Variants in DPH3 observed in about 807,000 individuals in gnomAD.
The protein encoded by DPH3 is diphthamide biosynthesis protein 3.
In DPH3, 8 loss-of-function variants were observed where a neutral mutation model predicts 10.2. The ratio of observed to expected loss-of-function variants is 0.79; its 90% confidence interval spans 0.46 to 1.42. The LOEUF (loss-of-function observed/expected upper bound fraction) is 1.42, where lower values mean the gene tolerates loss of function less well. DPH3 is among the 40% of genes most tolerant of loss of function. The pLI is 0.00. For synonymous variants in DPH3, 35 were observed against 35.6 expected, an observed-to-expected ratio of 0.98 and a Z score of 0.06; for missense variants, 96 against 98.9, an observed-to-expected ratio of 0.97 and a Z score of 0.12.
chr3:16,264,610 C>A, intron 1 of DPH3, 159 bp downstream of exon 1: 1 of 708,722 alleles, frequency 1.4e-6, no homozygotes. Flanking sequence ...GAGCTCAGGG[C>A]ATTAGTTGGG....
Position 16,259,697 on chromosome 3 carries a change from T to C in DPH3, c.*1067A>G, listed in dbSNP as rs2064279399. On this transcript the variant is annotated 3_prime_UTR_variant, in exon 3 of 3. Coordinates refer to ENST00000488423, the MANE Select transcript of DPH3 (RefSeq NM_206831.3). ...GGAGTGAATGTCTGGTTTGGCTGCA[T>C]GTTATAGAGGCTTATTAAATATGCT... The C allele has an allele frequency of 6.6e-6, 1 of 152,198 alleles. No homozygotes were observed. The highest frequency in any genetic ancestry group is 1.5e-5 in the Non-Finnish European group (1 of 68,024). 9.4% of individuals were successfully genotyped at this position (152,198 alleles called of 1,614,324 possible).
Position 16,263,455 on chromosome 3 carries a change from T to C in DPH3, c.183+700A>G, listed in dbSNP as rs570514376. On this transcript the variant is annotated intron_variant, in intron 2 of 2. Transcript: ENST00000488423. The surrounding 1 kb of genome is among the most constrained non-coding windows in gnomAD (Gnocchi z 4.0). ...TTGCTTTCTGTTGCAGAGCACATTT[T>C]AATACAAGAATGAATCATTATATTT... Among the ~76,000 whole-genome samples the C allele has an allele frequency of 2.0e-5, 3 of 152,354 alleles. No individual in the cohort carries two copies. The highest frequency in any genetic ancestry group is 1.9e-4 in the East Asian group (1 of 5,188).
chr3:16,264,435 G>A, intron 1 of DPH3: 1 of 548,168 alleles, frequency 1.8e-6, no homozygotes, highest in Non-Finnish European at 3.2e-6. Context: ...AAGGTCAGGC[G>A]AGCTTCGGTC....
chr3:16,264,256 T>C, intron 1 of DPH3, 27 bp from the exon 2 acceptor site: 2 of 1,575,840 alleles, frequency 1.3e-6, no homozygotes, highest in Non-Finnish European at 1.7e-6. Context: ...TACCATGTGG[T>C]CAGGATAGCT....
intron 1 of DPH3, 74 bp downstream of exon 1, chr3:16,264,695 C>G (rs2064368908): frequency 7.0e-7 from 1 of 1,430,370 alleles, no homozygotes; most frequent in African/African-American, 1.4e-5. Context: ...CAAAGGCTAC[C>G]CAATGATGGA....
rs2064315303 is a variant in DPH3 at position 16,263,263 on chromosome 3, T to A, written c.183+892A>T. The stretch of plus-strand genomic sequence containing the variant: ...GTCTTAGGTCCCCTTCACTGAACGA[T>A]CCTTTGCTCGACTCTCTTACCTCAT... On this transcript the variant is annotated intron_variant, in intron 2 of 2. Transcript: ENST00000488423. The surrounding 1 kb of genome is among the most constrained non-coding windows in gnomAD (Gnocchi z 4.0). Among the ~76,000 whole-genome samples the A allele has an allele frequency of 6.6e-6, 1 of 152,130 alleles. No individual in the cohort carries two copies. The highest frequency in any genetic ancestry group is 1.5e-5 in the Non-Finnish European group (1 of 68,004).
rs1193304374 is a variant in DPH3 at position 16,257,179 on chromosome 3, ATAGT to A, written c.*3581_*3584del. Among the ~76,000 whole-genome samples, 14 of 152,234 alleles carry A rather than the reference ATAGT, an allele frequency of 9.2e-5. No individual in the cohort carries two copies. Among genetic ancestry groups the A allele is most frequent in the African/African-American group, 3.1e-4 (13 of 41,464 alleles). On this transcript the variant is annotated 3_prime_UTR_variant, in exon 3 of 3. Coordinates refer to ENST00000488423, the MANE Select transcript of DPH3 (RefSeq NM_206831.3). The stretch of plus-strand genomic sequence containing the variant: ...ATGTTTAATTCCTTTCGGAGTTAGA[ATAGT>A]TAACCATTTTTTGCACATGACAGGC...
rs14080 is a variant in DPH3, at chr3:16,264,167, C to G, written c.171G>C (p.Val57=). The change falls in exon 2 of 3, where the codon GTG becomes GTC. Residue 57 remains valine (V), a synonymous_variant. Transcript: ENST00000488423. The stretch of plus-strand genomic sequence containing the variant: ...TTATATCCCTTACTTTGTCATAAAT[C>G]ACTTTTATAATGAGAGAGCAGCTAG... ...TCPSCSLIIK[V]IYDKDQFVCG... is the part of the protein sequence containing the mutation. 685,804 of 1,602,180 alleles carry G rather than the reference C, an allele frequency of 0.43. 148,631 individuals carry two copies. Among genetic ancestry groups the G allele is most frequent in the South Asian group, 0.52 (46,924 of 89,830 alleles).
chr3:16,262,021 G>A lies in DPH3; in HGVS notation c.184-1192C>T, dbSNP rs1237287284. 6.6e-6 allele frequency among the ~76,000 whole-genome samples: 1 copy of A among 151,906 alleles called. No homozygotes were observed. Among genetic ancestry groups the A allele is most frequent in the Non-Finnish European group, 1.5e-5 (1 of 67,992 alleles). On this transcript the variant is annotated intron_variant, in intron 2 of 2. Transcript: ENST00000488423. The surrounding 1 kb of genome is among the most constrained non-coding windows in gnomAD (Gnocchi z 4.7). ...CTCTTTACCTAGTTCAAACTCCATG[G>A]TCAGTTATAACCACTCTTCTCTCAC... is the stretch of plus-strand genomic sequence containing the variant.
rs908604653 is a variant in DPH3 at position 16,263,225 on chromosome 3, C to T, written c.183+930G>A. On this transcript the variant is annotated intron_variant, in intron 2 of 2. Transcript: ENST00000488423. The surrounding 1 kb of genome is among the most constrained non-coding windows in gnomAD (Gnocchi z 4.0). ...CCTCCTTTTTGTTCCTTGATAAAAT[C>T]AGGCATGTTCCTGTCTTAGGTCCCC... Among the ~76,000 whole-genome samples, 4 of 152,266 alleles carry T rather than the reference C, an allele frequency of 2.6e-5. No individual in the cohort carries two copies. The South Asian group carries it at 8.3e-4, about 32-fold the overall frequency.
In DPH3 at chr3:16,259,413, A is replaced by C. The variant is rs138412144; in HGVS notation, c.*1351T>G. On this transcript the variant is annotated 3_prime_UTR_variant, in exon 3 of 3. Transcript: ENST00000488423. ...AACGTCCAATGAATGTGTGCAGTAC[A>C]TTTACCAGTAACAGAACATTTACAT... The C allele has an allele frequency of 6.6e-6, 1 of 152,372 alleles. No individual in the cohort carries two copies. Among genetic ancestry groups the C allele is most frequent in the African/African-American group, 2.4e-5 (1 of 41,582 alleles). 9.4% of individuals were successfully genotyped at this position (152,372 alleles called of 1,614,324 possible).
intron 1 of DPH3, 85 bp downstream of exon 1, chr3:16,264,684 G>A (rs1015090590): frequency 3.7e-6 from 5 of 1,344,250 alleles, no homozygotes; most frequent in Non-Finnish European, 5.2e-6. Flanking sequence ...ACACAGCGCA[G>A]CAAAGGCTAC....
Position 16,262,071 on chromosome 3 carries a change from C to G in DPH3, c.184-1242G>C, listed in dbSNP as rs1384027126. Among the ~76,000 whole-genome samples, 1 of 152,138 alleles carries G rather than the reference C, an allele frequency of 6.6e-6. No individual in the cohort carries two copies. The highest frequency in any genetic ancestry group is 1.5e-5 in the Non-Finnish European group (1 of 68,032). On this transcript the variant is annotated intron_variant, in intron 2 of 2. Transcript: ENST00000488423. This position sits in a 1 kb window ranked among gnomAD's most constrained non-coding sequence, Gnocchi z 4.7. ...CTCCTTACTATTCACTTGGGAAAACCTTAAACCTGGTTAAATCTAACTTTC... is the reference window on the plus strand; with the variant it reads ...CTCCTTACTATTCACTTGGGAAAACGTTAAACCTGGTTAAATCTAACTTTC...
rs2064335600 is a variant in DPH3 at position 16,263,864 on chromosome 3, T to G, written c.183+291A>C. ...AATTACATATTAAATAGAAGAGAAA[T>G]ATAAAAAATTGTCCACTAAAATAAT... On this transcript the variant is annotated intron_variant, in intron 2 of 2. Transcript: ENST00000488423. This position sits in a 1 kb window ranked among gnomAD's most constrained non-coding sequence, Gnocchi z 4.0. Among the ~76,000 whole-genome samples the G allele has an allele frequency of 6.6e-6, 1 of 152,164 alleles. No individual in the cohort carries two copies. Among genetic ancestry groups the G allele is most frequent in the Non-Finnish European group, 1.5e-5 (1 of 68,022 alleles).
rs2064261587 is a variant in DPH3 at position 16,257,702 on chromosome 3, A to G, written c.*3062T>C. Among the ~76,000 whole-genome samples the G allele has an allele frequency of 6.6e-6, 1 of 152,224 alleles. No homozygotes were observed. Among genetic ancestry groups the G allele is most frequent in the African/African-American group, 2.4e-5 (1 of 41,454 alleles). On this transcript the variant is annotated 3_prime_UTR_variant, in exon 3 of 3. Transcript: ENST00000488423. ...TCCAAGAATTGATCATCAGCCTTAA[A>G]CAATCAGTTTTCTTTCCTTGTAATA...
rs972873274 is a variant in DPH3, at chr3:16,258,734, C to G, written c.*2030G>C. ...TCCTGAGTAGCTGGGATTACAGGCA[C>G]GAGCCACTGCGCCTGGCTCTGGTTT... On this transcript the variant is annotated 3_prime_UTR_variant, in exon 3 of 3. Coordinates refer to ENST00000488423, the MANE Select transcript of DPH3 (RefSeq NM_206831.3). 6.6e-6 allele frequency: 1 copy of G among 152,188 alleles called. No homozygotes were observed. Among genetic ancestry groups the G allele is most frequent in the Non-Finnish European group, 1.5e-5 (1 of 68,056 alleles). The allele number at this position is 152,188 out of a possible 1,614,324, so 9.4% of individuals were successfully genotyped here. A position where few individuals can be genotyped will look rare whatever the true frequency, so the allele number is the denominator to read the frequency against.
intron 2 of DPH3, 79 bp from the exon 3 acceptor site, chr3:16,260,908 C>T: frequency 1.5e-6 from 2 of 1,291,104 alleles, no homozygotes; most frequent in South Asian, 1.3e-5. Flanking sequence ...CATTTTGTTA[C>T]AGCATCAATC....
rs1043610289 is a variant in DPH3 at position 16,261,642 on chromosome 3, G to T, written c.184-813C>A. Among the ~76,000 whole-genome samples the T allele has an allele frequency of 6.6e-6, 1 of 152,088 alleles. No homozygotes were observed. Among genetic ancestry groups the T allele is most frequent in the African/African-American group, 2.4e-5 (1 of 41,396 alleles). On this transcript the variant is annotated intron_variant, in intron 2 of 2. Coordinates refer to ENST00000488423, the MANE Select transcript of DPH3 (RefSeq NM_206831.3). This position sits in a 1 kb window ranked among gnomAD's most constrained non-coding sequence, Gnocchi z 7.1. The stretch of plus-strand genomic sequence containing the variant: ...CTGCTAGACATCCTATAATGCACGG[G>T]GTATCTCTGAACAACAAAGAATTAT...
In DPH3 at chr3:16,258,184, G is replaced by A. The variant is rs1382741060; in HGVS notation, c.*2580C>T. On this transcript the variant is annotated 3_prime_UTR_variant, in exon 3 of 3. Transcript: ENST00000488423. ...GGTAACATCAAGTTTTGGAAGAATG[G>A]ACTTTTTCTGTAATTCATGATTTAG... is the stretch of plus-strand genomic sequence containing the variant. 6.6e-6 allele frequency: 1 copy of A among 152,142 alleles called. No individual in the cohort carries two copies. The highest frequency in any genetic ancestry group is 2.1e-4 in the South Asian group (1 of 4,828). The allele number at this position is 152,142 out of a possible 1,614,324, so 9.4% of individuals were successfully genotyped here. A position where few individuals can be genotyped will look rare whatever the true frequency, so the allele number is the denominator to read the frequency against.
Sources: gnomAD v4.1 joint callset for allele counts (sites outside exome capture counted in the v4.1 genomes callset) on GRCh38, gnomAD v4.1.1 for gene constraint, Gnocchi (gnomAD v3.1) non-coding constraint, MANE v1.5 for transcripts, NCBI Gene and HGNC (gene_info 2026-07-23, HGNC 2026-07-21) for gene names.